LRRC3C: variants seen among roughly 807,000 people sequenced by gnomAD.
The protein encoded by LRRC3C is leucine rich repeat containing 3C.
Under a neutral mutation model 14.8 loss-of-function variants are expected in LRRC3C, and 11 were observed. The observed-to-expected ratio is 0.74, with a 90% CI of 0.47 to 1.23. The LOEUF is 1.23. Ranked by LOEUF, LRRC3C falls within the 50% of genes most tolerant of loss-of-function variation. The pLI is 0.00. For missense variants in LRRC3C, 354 were observed against 361.8 expected, an observed-to-expected ratio of 0.98 and a Z score of 0.18; for synonymous variants, 149 against 161.5, an observed-to-expected ratio of 0.92 and a Z score of 0.59.
chr17:39,938,062 G>A (rs1462724298), intron 2 of LRRC3C, among the ~76,000 whole-genome samples: 1 of 152,160 alleles, frequency 6.6e-6, no homozygotes, highest in African/African-American at 2.4e-5. Flanking sequence ...AACCCAGGAG[G>A]CAGAGGCTAC....
At chr17:39,943,329 G>A (rs1227336110) in intron 3 of LRRC3C, among the ~76,000 whole-genome samples, 1 of 152,326 alleles carries the variant, frequency 6.6e-6, no homozygotes, top group South Asian at 2.1e-4. Context: ...AGGAGGACGG[G>A]GAGGAGGAGG....
intron 1 of LRRC3C, among the ~76,000 whole-genome samples, chr17:39,930,939 C>G (rs551282498): frequency 4.1e-5 from 6 of 147,376 alleles, no homozygotes; most frequent in Admixed American, 2.0e-4. Flanking sequence ...GTCAGGAGTT[C>G]GAGACCAGCC....
chr17:39,930,393 CT>C (rs1392130218), intron 1 of LRRC3C, among the ~76,000 whole-genome samples: 2 of 86,608 alleles, frequency 2.3e-5, no homozygotes, highest in African/African-American at 9.0e-5. Context: ...AGCAAACTGA[CT>C]TTAAAAAAAA....
At chr17:39,941,349 TAAAAAAAAAA>T (rs11344927) in intron 2 of LRRC3C, 84 bp from the exon 3 acceptor site, 13 of 269,554 alleles carry the variant, frequency 4.8e-5, no homozygotes, top group African/African-American at 3.2e-4. Context: ...AGACTTTATC[TAAAAAAAAAA>T]AAAAAAAAAA....
At chr17:39,941,637 C>T (rs551831806) in intron 3 of LRRC3C, 88 bp downstream of exon 3, 52 of 1,187,172 alleles carry the variant, frequency 4.4e-5, no homozygotes, top group African/African-American at 4.1e-4. Flanking sequence ...TTCCAGGTTC[C>T]GTACAATACA....
intron 1 of LRRC3C, chr17:39,934,833 G>C (rs1363803408): frequency 6.6e-6 from 1 of 152,200 alleles, no homozygotes; most frequent in Non-Finnish European, 1.5e-5. Context: ...CATTTTTATG[G>C]TTATTTCTTG....
chr17:39,930,708 CAAAAAAAAA>C (rs71300058), intron 1 of LRRC3C, among the ~76,000 whole-genome samples: 33 of 70,646 alleles, frequency 4.7e-4, no homozygotes, highest in African/African-American at 1.9e-3. Flanking sequence ...GGCTCTGTCT[CAAAAAAAAA>C]AAAAAAAAAA....
Position 39,941,444 on chromosome 17 carries a change from T to G in LRRC3C, c.-80T>G. ...ACCCCATTTTTATTTTGCACTCAGC[T>G]CTACAATTCCGTGTCCAGTCCTGGT... On this transcript the variant is annotated splice_region_variant and 5_prime_UTR_variant, in exon 3 of 4. Coordinates refer to ENST00000377924, the MANE Select transcript of LRRC3C (RefSeq NM_001195545.2). 1 of 1,178,806 alleles carries G rather than the reference T, an allele frequency of 8.5e-7. No individual in the cohort carries two copies. Among genetic ancestry groups the G allele is most frequent in the South Asian group, 1.3e-5 (1 of 75,900 alleles). 73.0% of individuals were successfully genotyped at this position (1,178,806 alleles called of 1,614,324 possible). A position where few individuals can be genotyped will look rare whatever the true frequency, so the allele number is the denominator to read the frequency against.
chr17:39,943,886 C>G (rs772972750), intron 3 of LRRC3C, 47 bp from the exon 4 acceptor site: 1 of 1,521,138 alleles, frequency 6.6e-7, no homozygotes. Context: ...GTGGGGCATG[C>G]GATTCTCTTG....
At chr17:39,929,937 G>T (rs966376661) in intron 1 of LRRC3C, among the ~76,000 whole-genome samples, 4 of 152,236 alleles carry the variant, frequency 2.6e-5, no homozygotes, top group South Asian at 2.1e-4. Context: ...ATTCCCCAGG[G>T]ATATAGTCAG....
intron 1 of LRRC3C, among the ~76,000 whole-genome samples, chr17:39,933,710 G>A (rs1978718541): frequency 6.6e-6 from 1 of 152,126 alleles, no homozygotes; most frequent in Non-Finnish European, 1.5e-5. Flanking sequence ...TCCAGCCTGG[G>A]CGACAGAGCA....
At chr17:39,936,998 A>T (rs960417603) in intron 2 of LRRC3C, among the ~76,000 whole-genome samples, 2 of 151,836 alleles carry the variant, frequency 1.3e-5, no homozygotes, top group African/African-American at 2.4e-5. Context: ...TTGGCTGGGC[A>T]TGGTGGTGCA....
chr17:39,941,683 T>G, intron 3 of LRRC3C, 134 bp downstream of exon 3: 1 of 747,942 alleles, frequency 1.3e-6, no homozygotes, highest in South Asian at 1.7e-5. Context: ...CGTGCAAGGA[T>G]GTAGGGTATT....
At chr17:39,932,527 ACC>A (rs147624649) in intron 1 of LRRC3C, among the ~76,000 whole-genome samples, 1 of 71,310 alleles carries the variant, frequency 1.4e-5, no homozygotes, top group African/African-American at 5.3e-5. Flanking sequence ...ACGTAATGAG[ACC>A]CCCCCCCCAC....
In LRRC3C at chr17:39,943,915, T is replaced by A. The variant is rs1477060035; in HGVS notation, c.27-18T>A. On this transcript the variant is annotated intron_variant, in intron 3 of 3. Transcript: ENST00000377924. Reference sequence around the variant, plus strand: ...TCTCTTGACTCACTCCTCCTTTATGTGGCCTTTCCTTCCCCAGATCCTACT... The same window carrying A: ...TCTCTTGACTCACTCCTCCTTTATGAGGCCTTTCCTTCCCCAGATCCTACT... The A allele has an allele frequency of 6.5e-7, 1 of 1,535,322 alleles. No individual in the cohort carries two copies. Among genetic ancestry groups the A allele is most frequent in the East Asian group, 2.4e-5 (1 of 40,910 alleles).
rs1319673738 is a variant in LRRC3C at position 39,944,778 on chromosome 17, T to A, written c.*44T>A. 4.6e-6 allele frequency: 7 copies of A among 1,515,578 alleles called. No homozygotes were observed. The highest frequency in any genetic ancestry group is 6.2e-6 in the Non-Finnish European group (7 of 1,131,102). The allele number at this position is 1,515,578 out of a possible 1,614,324, so 93.9% of individuals were successfully genotyped here. A position where few individuals can be genotyped will look rare whatever the true frequency, so the allele number is the denominator to read the frequency against. The stretch of plus-strand genomic sequence containing the variant: ...CAGCCACACCCCACACTCCTGCCCC[T>A]ATGCCCTCTCCTTTGCTCTGACCCC... On this transcript the variant is annotated 3_prime_UTR_variant, in exon 4 of 4. Transcript: ENST00000377924.
chr17:39,927,933 C>T (rs1297627502), intron 1 of LRRC3C, 119 bp downstream of exon 1: 2 of 920,864 alleles, frequency 2.2e-6, no homozygotes, highest in African/African-American at 3.6e-5. Flanking sequence ...TTTGCTGGGT[C>T]CTAGACTGGA....
intron 1 of LRRC3C, among the ~76,000 whole-genome samples, chr17:39,934,986 A>AT (rs1163105861): frequency 2.6e-5 from 4 of 152,102 alleles, no homozygotes; most frequent in African/African-American, 9.7e-5. Flanking sequence ...GGTCACTCTC[A>AT]TTGCCATTTT....
chr17:39,943,416 A>AGATGGGG (rs1333876140), intron 3 of LRRC3C, among the ~76,000 whole-genome samples: 4 of 152,170 alleles, frequency 2.6e-5, no homozygotes, highest in Admixed American at 2.6e-4. Flanking sequence ...GTAGATGGGC[A>AGATGGGG]TAGAAGGTGG....
Sources: allele counts gnomAD v4.1 joint callset (sites outside exome capture counted in the v4.1 genomes callset), GRCh38; gene constraint gnomAD v4.1.1; transcripts MANE v1.5; gene names NCBI Gene and HGNC (gene_info 2026-07-23, HGNC 2026-07-21).